The following PACSIN1 variants were observed in gnomAD, a reference collection of about 807,000 sequenced individuals.
PACSIN1 encodes protein kinase C and casein kinase substrate in neurons protein 1.
A neutral mutation model predicts 59.5 loss-of-function variants in PACSIN1; 15 were observed. That is an observed-to-expected ratio of 0.25 (90% confidence interval 0.17 to 0.39). The LOEUF (loss-of-function observed/expected upper bound fraction) is 0.39, where lower values mean the gene tolerates loss of function less well. Ranked by LOEUF, PACSIN1 falls within the 10% of genes least tolerant of loss-of-function variation. The probability of loss-of-function intolerance (pLI) is 1.00; values close to 1 mark genes in which losing one functional copy is unlikely to be tolerated. For synonymous variants in PACSIN1, 210 were observed against 220.6 expected, an observed-to-expected ratio of 0.95 and a Z score of 0.42; for missense variants, 420 against 580.2, an observed-to-expected ratio of 0.72 and a Z score of 2.84.
At chr6:34,505,262 A>AT (rs910128643) in intron 1 of PACSIN1, among the ~76,000 whole-genome samples, 1 of 151,526 alleles carries the variant, frequency 6.6e-6, no homozygotes, top group Non-Finnish European at 1.5e-5. Context: ...TGTTTTCAAG[A>AT]TTTTTTCATT....
chr6:34,515,953 G>A lies in PACSIN1; in HGVS notation c.-63-10290G>A, dbSNP rs1767284321. On this transcript the variant is annotated intron_variant, in intron 1 of 9. Coordinates refer to ENST00000244458, the MANE Select transcript of PACSIN1 (RefSeq NM_020804.5). The surrounding 1 kb of genome is among the most constrained non-coding windows in gnomAD (Gnocchi z 4.4). The stretch of plus-strand genomic sequence containing the variant: ...CCTCTGCCCCAACTCTGGGCAGGGA[G>A]GGGGCTGGAGGGGGCCCACAGGAGT... Among the ~76,000 whole-genome samples the A allele has an allele frequency of 6.6e-6, 1 of 151,884 alleles. No homozygotes were observed. Among genetic ancestry groups the A allele is most frequent in the Non-Finnish European group, 1.5e-5 (1 of 67,902 alleles).
chr6:34,512,166 G>A (rs1254957034), intron 1 of PACSIN1, among the ~76,000 whole-genome samples: 1 of 151,982 alleles, frequency 6.6e-6, no homozygotes, highest in Non-Finnish European at 1.5e-5. Context: ...TTCATTCCCA[G>A]CAGCAGTTGG....
At chr6:34,470,376 T>C (rs1309822111) in intron 1 of PACSIN1, among the ~76,000 whole-genome samples, 1 of 151,938 alleles carries the variant, frequency 6.6e-6, no homozygotes, top group East Asian at 1.9e-4. Context: ...AGACAGGGTT[T>C]CACTATCTTG....
chr6:34,526,707 T>G (rs541440300), intron 2 of PACSIN1, among the ~76,000 whole-genome samples: 2 of 152,294 alleles, frequency 1.3e-5, no homozygotes, highest in South Asian at 4.1e-4. Flanking sequence ...CCCCCCATCC[T>G]GAGGTGGGCA....
chr6:34,526,782 G>T (rs1257858154), intron 2 of PACSIN1, among the ~76,000 whole-genome samples: 1 of 152,202 alleles, frequency 6.6e-6, no homozygotes, highest in Non-Finnish European at 1.5e-5. Flanking sequence ...CCGCAGAGCG[G>T]GAGGCACAGC....
At chr6:34,467,169 A>G (rs1581951982) in intron 1 of PACSIN1, among the ~76,000 whole-genome samples, 1 of 152,186 alleles carries the variant, frequency 6.6e-6, no homozygotes, top group East Asian at 1.9e-4. Context: ...TCCATCCTCC[A>G]TCCTGGCCTT....
chr6:34,474,946 C>T (rs1227470647), intron 1 of PACSIN1, among the ~76,000 whole-genome samples: 1 of 152,148 alleles, frequency 6.6e-6, no homozygotes, highest in African/African-American at 2.4e-5. Flanking sequence ...GGCCTTTGCA[C>T]TCCTATTCCC....
At position 34,533,061 on chromosome 6, in the gene PACSIN1, C is replaced by T. The variant is rs1767631410; in HGVS notation, c.*531C>T. On this transcript the variant is annotated 3_prime_UTR_variant, in exon 10 of 10. Transcript: ENST00000244458. ...TGCCCCGGGGAGCACCCTTCTACTC[C>T]TAGCCACGTCCCTTGGGACCGGTGG... 1 of 152,654 alleles carries T rather than the reference C, an allele frequency of 6.6e-6. No individual in the cohort carries two copies. 9.5% of individuals were successfully genotyped at this position (152,654 alleles called of 1,614,324 possible). A position where few individuals can be genotyped will look rare whatever the true frequency, so the allele number is the denominator to read the frequency against.
At chr6:34,484,415 TA>T (rs750595018) in intron 1 of PACSIN1, among the ~76,000 whole-genome samples, 3 of 151,974 alleles carry the variant, frequency 2.0e-5, no homozygotes, top group Non-Finnish European at 4.4e-5. Context: ...GTGGAGATGG[TA>T]AAAAGATCAG....
At chr6:34,509,070 A>C (rs138825052) in intron 1 of PACSIN1, among the ~76,000 whole-genome samples, 44 of 152,204 alleles carry the variant, frequency 2.9e-4, no homozygotes, top group African/African-American at 9.4e-4. Context: ...TTGATGTCAG[A>C]TCTAAGAAAT....
chr6:34,530,113 C>CA lies in PACSIN1; in HGVS notation c.789-130_789-129insA. 3.9e-6 allele frequency: 5 copies of CA among 1,290,120 alleles called. No homozygotes were observed. In the South Asian group the frequency reaches 6.2e-5, roughly 16 times the overall value. The allele number at this position is 1,290,120 out of a possible 1,614,324, so 79.9% of individuals were successfully genotyped here. A position where few individuals can be genotyped will look rare whatever the true frequency, so the allele number is the denominator to read the frequency against. ...TGCCCGGAGCTTATTCTTGCAAAGC[C>CA]CACATGATTCCTGGCTGGGCAGCAT... is the stretch of plus-strand genomic sequence containing the variant. On this transcript the variant is annotated intron_variant, in intron 6 of 9. Transcript: ENST00000244458. The surrounding 1 kb of genome is among the most constrained non-coding windows in gnomAD (Gnocchi z 4.4).
intron 1 of PACSIN1, among the ~76,000 whole-genome samples, chr6:34,510,204 C>CA (rs1393092914): frequency 3.3e-5 from 5 of 152,244 alleles, no homozygotes; most frequent in Admixed American, 3.3e-4. Context: ...CTAAATATCG[C>CA]AAAAGCTTCT....
intron 1 of PACSIN1, among the ~76,000 whole-genome samples, chr6:34,503,994 T>C (rs1198417289): frequency 6.6e-6 from 1 of 152,136 alleles, no homozygotes; most frequent in Non-Finnish European, 1.5e-5. Flanking sequence ...GAGTGTATCT[T>C]TTTGTATAGA....
intron 1 of PACSIN1, among the ~76,000 whole-genome samples, chr6:34,482,727 TG>T (rs1262414914): frequency 6.6e-6 from 1 of 151,462 alleles, no homozygotes; most frequent in Non-Finnish European, 1.5e-5. Context: ...TTGCCCAGGC[TG>T]GAAAGCAATG....
chr6:34,527,556 G>A, intron 3 of PACSIN1, 68 bp downstream of exon 3: 1 of 1,416,406 alleles, frequency 7.1e-7, no homozygotes. Flanking sequence ...TGGGTCCTAG[G>A]AGCCCCGGCT....
chr6:34,495,113 C>A (rs965089549), intron 1 of PACSIN1, among the ~76,000 whole-genome samples: 6 of 152,196 alleles, frequency 3.9e-5, no homozygotes, highest in Admixed American at 1.3e-4. Flanking sequence ...ACCCTCTCCT[C>A]CTCCAAAATG....
At chr6:34,499,303 G>A (rs1017374063) in intron 1 of PACSIN1, among the ~76,000 whole-genome samples, 1 of 151,660 alleles carries the variant, frequency 6.6e-6, no homozygotes, top group African/African-American at 2.4e-5. Flanking sequence ...ATGTGAGTGA[G>A]GGGGAGTGGC....
Position 34,530,545 on chromosome 6 carries a change from C to T in PACSIN1, c.995C>T (p.Thr332Ile). The T allele has an allele frequency of 6.2e-7, 1 of 1,607,688 alleles. No homozygotes were observed. Residue 332 changes from threonine (T) to isoleucine (I), a missense_variant, in exon 8 of 10, where the codon ACT becomes ATT. Physicochemically the swap from Thr to Ile is moderately conservative, Grantham distance 89. Coordinates refer to ENST00000244458, the MANE Select transcript of PACSIN1 (RefSeq NM_020804.5). The surrounding 1 kb of genome is among the most constrained non-coding windows in gnomAD (Gnocchi z 4.4). ...KAEGVALTNA[T>I]GAVESTSQAG... The stretch of plus-strand genomic sequence containing the variant: ...GAGGGAGTGGCGCTGACCAATGCCA[C>T]TGGGGCGGTAGAGTCCACATCCCAG...
Position 34,529,269 on chromosome 6 carries a change from T to C in PACSIN1, c.457-128T>C. On this transcript the variant is annotated intron_variant, in intron 4 of 9. Transcript: ENST00000244458. The surrounding 1 kb of genome is among the most constrained non-coding windows in gnomAD (Gnocchi z 6.3). ...CGAACACCTGGAGCCAGGGCCTGCA[T>C]CCCTTCTGGCTCTTAAGAGTGTGGG... 1.0e-6 allele frequency: 1 copy of C among 973,258 alleles called. No homozygotes were observed. The highest frequency in any genetic ancestry group is 1.5e-6 in the Non-Finnish European group (1 of 655,892). 60.3% of individuals were successfully genotyped at this position (973,258 alleles called of 1,614,324 possible). A position where few individuals can be genotyped will look rare whatever the true frequency, so the allele number is the denominator to read the frequency against.
Sources: allele counts gnomAD v4.1 joint callset (sites outside exome capture counted in the v4.1 genomes callset), GRCh38; gene constraint gnomAD v4.1.1; non-coding constraint Gnocchi (gnomAD v3.1); transcripts MANE v1.5; gene names NCBI Gene and HGNC (gene_info 2026-07-23, HGNC 2026-07-21).